FBN1: variants seen among roughly 807,000 people sequenced by gnomAD.
FBN1 encodes fibrillin-1.
FBN1 carries 29 observed loss-of-function variants against 365.1 expected under a neutral mutation model. The ratio of observed to expected loss-of-function variants is 0.08; its 90% CI spans 0.06 to 0.11. The LOEUF is 0.11. Ranked by LOEUF, FBN1 falls within the 10% of genes least tolerant of loss-of-function variation. FBN1 has a pLI of 1.00. For synonymous variants in FBN1, 1,210 were observed against 1,270.5 expected, an observed-to-expected ratio of 0.95 and a Z score of 1.01; for missense variants, 2,476 against 3,703.2, an observed-to-expected ratio of 0.67 and a Z score of 8.60.
intron 16 of FBN1, among the ~76,000 whole-genome samples, chr15:48,504,144 T>C (rs1010153116): frequency 5.3e-5 from 8 of 152,212 alleles, no homozygotes; most frequent in African/African-American, 1.9e-4. Context: ...TGGAAACCAA[T>C]GGCCAGATTG....
intron 12 of FBN1, among the ~76,000 whole-genome samples, chr15:48,514,581 A>G (rs998885650): frequency 6.6e-6 from 1 of 152,200 alleles, no homozygotes; most frequent in Non-Finnish European, 1.5e-5. Flanking sequence ...TTATTCTTTC[A>G]TTACATTTCC....
intron 6 of FBN1, among the ~76,000 whole-genome samples, chr15:48,592,650 A>T (rs1316418460): frequency 6.6e-6 from 1 of 152,196 alleles, no homozygotes; most frequent in East Asian, 1.9e-4. Context: ...ATGTGAACTT[A>T]CCAAAAAAAA....
At chr15:48,456,279 T>C (rs1179974564) in intron 44 of FBN1, among the ~76,000 whole-genome samples, 1 of 152,228 alleles carries the variant, frequency 6.6e-6, no homozygotes, top group African/African-American at 2.4e-5. Flanking sequence ...GAAATGATTT[T>C]GAGAGTCAAC....
intron 14 of FBN1, 29 bp from the exon 15 acceptor site, chr15:48,508,733 T>C (rs1182570989): frequency 2.5e-6 from 4 of 1,612,662 alleles, no homozygotes; most frequent in Admixed American, 1.7e-5. Flanking sequence ...CATTTTCTTA[T>C]GACCAGAAGA....
chr15:48,456,796 A>T, intron 43 of FBN1, 34 bp from the exon 44 acceptor site: 1 of 1,604,986 alleles, frequency 6.2e-7, no homozygotes. Flanking sequence ...GAGTGACAGG[A>T]CAGCACATGA....
rs1267512714 is a variant in FBN1 at position 48,463,957 on chromosome 15, G to A, written c.5007C>T (p.Asn1669=). The A allele has an allele frequency of 3.1e-6, 5 of 1,613,586 alleles. No individual in the cohort carries two copies. Among genetic ancestry groups the A allele is most frequent in the East Asian group, 4.5e-5 (2 of 44,870 alleles). The part of the protein sequence containing the change: ...GPGTCYNTVG[N]YTCICPPDYM... ...AGTCTGGAGGACAGATACAGGTGTA[G>A]TTGCCAACGGTGTTGTAACATGTCC... Residue 1669 remains asparagine (N), a synonymous_variant, in exon 41 of 66, where the codon AAC becomes AAT. Transcript: ENST00000316623.
At chr15:48,567,765 T>C (rs778244236) in intron 6 of FBN1, among the ~76,000 whole-genome samples, 4 of 152,054 alleles carry the variant, frequency 2.6e-5, no homozygotes, top group African/African-American at 4.8e-5. Context: ...CCAATGTCTA[T>C]TCATGATAAA....
intron 40 of FBN1, 127 bp from the exon 41 acceptor site, chr15:48,464,148 T>C (rs2043302308): frequency 1.1e-6 from 1 of 877,514 alleles, no homozygotes; most frequent in African/African-American, 1.7e-5. Flanking sequence ...ATAACGAAAA[T>C]AGGTATTTCA....
chr15:48,556,947 G>A (rs766766147), intron 6 of FBN1, among the ~76,000 whole-genome samples: 5 of 152,090 alleles, frequency 3.3e-5, no homozygotes, highest in Non-Finnish European at 5.9e-5. Context: ...TTAAAGTAAC[G>A]CGAAACATCC....
At chr15:48,635,010 G>C (rs1048213451) in intron 2 of FBN1, among the ~76,000 whole-genome samples, 3 of 152,020 alleles carry the variant, frequency 2.0e-5, no homozygotes, top group Non-Finnish European at 4.4e-5. Context: ...CTTTAGGGCA[G>C]ACATAAATCC....
Position 48,445,106 on chromosome 15 carries a change from TTATA to T in FBN1, c.5917+266_5917+269del, listed in dbSNP as rs201741491. 2.5e-4 allele frequency among the ~76,000 whole-genome samples: 36 copies of T among 145,634 alleles called. No homozygotes were observed. The South Asian group carries it at 7.8e-3, about 31-fold the overall frequency. On this transcript the variant is annotated intron_variant, in intron 48 of 65. Transcript: ENST00000316623. ...ATTTTTAAAATAAGGGAAAAAGTGA[TTATA>T]TATATATATACACATATATATATAT...
rs1229985371 is a variant in FBN1 at position 48,425,394 on chromosome 15, C to T, written c.7428G>A (p.Leu2476=). 2 of 1,614,202 alleles carry T rather than the reference C, an allele frequency of 1.2e-6. No homozygotes were observed. The highest frequency in any genetic ancestry group is 1.7e-6 in the Non-Finnish European group (2 of 1,180,030). Residue 2476 remains leucine, a synonymous_variant, in exon 60 of 66, where the codon CTG becomes CTA. Coordinates refer to ENST00000316623, the MANE Select transcript of FBN1 (RefSeq NM_000138.5). ...CTTTGCAGCTCCTTCCATCCTCTTG[C>T]AGAATGTAGCCTTTCGGGCATGAAC... is the stretch of plus-strand genomic sequence containing the variant. The part of the protein sequence containing the change: ...YQCSCPKGYI[L]QEDGRSCKDL...
chr15:48,540,751 C>A (rs1000130553), intron 6 of FBN1, among the ~76,000 whole-genome samples: 1 of 152,074 alleles, frequency 6.6e-6, no homozygotes, highest in Non-Finnish European at 1.5e-5. Context: ...AGAATTTAGG[C>A]TTGTTTCTTT....
At chr15:48,613,842 C>T (rs1210474364) in intron 2 of FBN1, among the ~76,000 whole-genome samples, 24 of 152,104 alleles carry the variant, frequency 1.6e-4, no homozygotes, top group Admixed American at 8.5e-4. Flanking sequence ...GCACGAGAAT[C>T]GCTTGAATCT....
At chr15:48,470,492 G>GAAAAGGTATCTGT in intron 36 of FBN1, 142 bp downstream of exon 36, 1 of 1,143,938 alleles carries the variant, frequency 8.7e-7, no homozygotes, top group Non-Finnish European at 1.3e-6. Flanking sequence ...CCAGGTCTGA[G>GAAAAGGTATCTGT]AAAAGGTATC....
chr15:48,632,697 C>T (rs1208239536), intron 2 of FBN1, among the ~76,000 whole-genome samples: 1 of 152,228 alleles, frequency 6.6e-6, no homozygotes, highest in Non-Finnish European at 1.5e-5. Context: ...GTATACCCCA[C>T]TACCCACAGC....
chr15:48,428,166 C>T (rs1360036456), intron 57 of FBN1, 180 bp downstream of exon 57: 16 of 766,996 alleles, frequency 2.1e-5, no homozygotes, highest in Non-Finnish European at 3.5e-5. Flanking sequence ...AAGAATTTAG[C>T]TGCAGGGTGG....
intron 65 of FBN1, among the ~76,000 whole-genome samples, chr15:48,411,695 C>T (rs1039486657): frequency 1.3e-5 from 2 of 152,228 alleles, no homozygotes; most frequent in Admixed American, 6.5e-5. Flanking sequence ...CTCGGCATCA[C>T]CCCAGAACTA....
At chr15:48,590,143 G>C (rs1029086778) in intron 6 of FBN1, among the ~76,000 whole-genome samples, 9 of 152,066 alleles carry the variant, frequency 5.9e-5, no homozygotes, top group Admixed American at 5.2e-4. Context: ...TGTAAAATTC[G>C]TGTCAGAAAT....
Sources: allele counts gnomAD v4.1 joint callset (sites outside exome capture counted in the v4.1 genomes callset), GRCh38; gene constraint gnomAD v4.1.1; transcripts MANE v1.5; gene names NCBI Gene and HGNC (gene_info 2026-07-23, HGNC 2026-07-21).